Variants in OXCT1 observed in about 807,000 individuals in gnomAD.
The protein encoded by OXCT1 is 3-oxoacid CoA-transferase 1.
A neutral mutation model predicts 69.6 loss-of-function variants in OXCT1; 27 were observed. That is an observed-to-expected ratio of 0.39 (90% CI 0.29 to 0.54). The LOEUF (loss-of-function observed/expected upper bound fraction) is 0.54. Ranked by LOEUF, OXCT1 falls within the 20% of genes least tolerant of loss-of-function variation. The probability of loss-of-function intolerance (pLI) is 0.72; values close to 1 mark genes in which losing one functional copy is unlikely to be tolerated. For missense variants in OXCT1, 437 were observed against 650.2 expected (o/e 0.67, Z 3.57); for synonymous variants, 202 against 217.8 (o/e 0.93, Z 0.64).
At chr5:41,821,959 T>C (rs560279279) in intron 7 of OXCT1, among the ~76,000 whole-genome samples, 2 of 152,180 alleles carry the variant, frequency 1.3e-5, no homozygotes, top group Non-Finnish European at 2.9e-5. Context: ...CTATCAAGTG[T>C]TTTTCTCTCA....
intron 13 of OXCT1, among the ~76,000 whole-genome samples, chr5:41,771,556 T>C (rs757877485): frequency 2.6e-5 from 4 of 152,164 alleles, no homozygotes; most frequent in Non-Finnish European, 5.9e-5. Flanking sequence ...GAAGCTGCAG[T>C]TGCAGTTTTC....
At chr5:41,844,914 C>T (rs2112418120) in intron 5 of OXCT1, among the ~76,000 whole-genome samples, 1 of 150,956 alleles carries the variant, frequency 6.6e-6, no homozygotes, top group East Asian at 1.9e-4. Context: ...TAAACCCTCT[C>T]TCGCTGCTTC....
At chr5:41,865,715 C>G (rs1272396729) in intron 1 of OXCT1, among the ~76,000 whole-genome samples, 4 of 152,150 alleles carry the variant, frequency 2.6e-5, no homozygotes, top group African/African-American at 9.7e-5. Flanking sequence ...ACCACTGCAT[C>G]TCTTTTTCAT....
At chr5:41,854,653 C>G (rs555586857) in intron 3 of OXCT1, among the ~76,000 whole-genome samples, 1 of 150,898 alleles carries the variant, frequency 6.6e-6, no homozygotes, top group African/African-American at 2.4e-5. Flanking sequence ...CTTTTAATGG[C>G]GAAATATTTT....
chr5:41,744,655 T>A (rs1202279656), intron 15 of OXCT1, among the ~76,000 whole-genome samples: 1 of 152,182 alleles, frequency 6.6e-6, no homozygotes, highest in South Asian at 2.1e-4. Context: ...ACCTAATTTA[T>A]TGAGAGTTTT....
chr5:41,762,095 G>A lies in OXCT1; in HGVS notation c.1338+16C>T. 6.4e-7 allele frequency: 1 copy of A among 1,569,354 alleles called. No individual in the cohort carries two copies. Among genetic ancestry groups the A allele is most frequent in the Non-Finnish European group, 8.8e-7 (1 of 1,139,360 alleles). On this transcript the variant is annotated intron_variant, in intron 14 of 16. Transcript: ENST00000196371. This position sits in a 1 kb window ranked among gnomAD's most constrained non-coding sequence, Gnocchi z 4.0. ...AATTTCCAAAAGCAGTATTTGGGGA[G>A]CACAGTACATGTTACCTTTGCAGAA...
At chr5:41,809,037 T>A (rs916640575) in intron 7 of OXCT1, among the ~76,000 whole-genome samples, 1 of 152,032 alleles carries the variant, frequency 6.6e-6, no homozygotes, top group Non-Finnish European at 1.5e-5. Context: ...ATAAACATGG[T>A]GTAGCCATGT....
At chr5:41,741,234 A>G (rs944431714) in intron 15 of OXCT1, among the ~76,000 whole-genome samples, 2 of 152,176 alleles carry the variant, frequency 1.3e-5, no homozygotes, top group African/African-American at 4.8e-5. Flanking sequence ...CAAGGATTAC[A>G]GGAGTGAGCC....
At chr5:41,744,106 C>T (rs1366484100) in intron 15 of OXCT1, among the ~76,000 whole-genome samples, 1 of 152,094 alleles carries the variant, frequency 6.6e-6, no homozygotes, top group Admixed American at 6.5e-5. Flanking sequence ...TTCTTCCTAC[C>T]CATGAGCATG....
chr5:41,793,330 T>A (rs946224340), intron 13 of OXCT1, among the ~76,000 whole-genome samples: 1 of 152,220 alleles, frequency 6.6e-6, no homozygotes, highest in Non-Finnish European at 1.5e-5. Context: ...ATACCCATTA[T>A]TGTTTCCATG....
At chr5:41,859,907 T>TATATACAC (rs1304074270) in intron 3 of OXCT1, among the ~76,000 whole-genome samples, 32 of 138,472 alleles carry the variant, frequency 2.3e-4, no homozygotes, top group African/African-American at 7.9e-4. Context: ...TATATATATA[T>TATATACAC]ACACACACAC....
At chr5:41,794,567 T>G (rs894733123) in intron 12 of OXCT1, 110 bp downstream of exon 12, 1 of 984,292 alleles carries the variant, frequency 1.0e-6, no homozygotes, top group Non-Finnish European at 1.6e-6. Flanking sequence ...CTCCTGATAG[T>G]TTTCTGGCTG....
At chr5:41,858,684 A>C (rs1749570526) in intron 3 of OXCT1, among the ~76,000 whole-genome samples, 1 of 152,208 alleles carries the variant, frequency 6.6e-6, no homozygotes, top group Non-Finnish European at 1.5e-5. Context: ...TCTGAAATTT[A>C]ATTTGCTGAT....
intron 14 of OXCT1, among the ~76,000 whole-genome samples, chr5:41,755,486 A>T (rs1190621147): frequency 6.6e-6 from 1 of 152,098 alleles, no homozygotes; most frequent in Non-Finnish European, 1.5e-5. Flanking sequence ...TTAATTATGA[A>T]TTCTCCTAAG....
At chr5:41,852,407 A>G (rs565625608) in intron 4 of OXCT1, among the ~76,000 whole-genome samples, 1 of 152,328 alleles carries the variant, frequency 6.6e-6, no homozygotes, top group African/African-American at 2.4e-5. Context: ...TTATGTTATT[A>G]CCAACTTGGC....
chr5:41,759,643 T>C (rs916660720), intron 14 of OXCT1, among the ~76,000 whole-genome samples: 4 of 152,026 alleles, frequency 2.6e-5, no homozygotes, highest in African/African-American at 7.2e-5. Flanking sequence ...CTAAAGGCAG[T>C]AACTGGTTGC....
intron 7 of OXCT1, among the ~76,000 whole-genome samples, chr5:41,826,428 T>C (rs940622420): frequency 3.9e-5 from 6 of 152,112 alleles, no homozygotes; most frequent in Non-Finnish European, 1.5e-5. Context: ...TAAGGTTTAT[T>C]AATCAAAGCA....
chr5:41,850,211 C>T, intron 4 of OXCT1, 32 bp from the exon 5 acceptor site: 1 of 1,611,440 alleles, frequency 6.2e-7, no homozygotes, highest in Non-Finnish European at 8.5e-7. Context: ...CCCATAAGTT[C>T]ACTAAGCACA....
chr5:41,788,319 A>G (rs1352955711), intron 13 of OXCT1, among the ~76,000 whole-genome samples: 3 of 152,198 alleles, frequency 2.0e-5, no homozygotes, highest in Non-Finnish European at 4.4e-5. Context: ...AGGACAGATG[A>G]AGTAAACAGA....
Sources: gnomAD v4.1 joint callset for allele counts (sites outside exome capture counted in the v4.1 genomes callset) on GRCh38, gnomAD v4.1.1 for gene constraint, Gnocchi (gnomAD v3.1) non-coding constraint, MANE v1.5 for transcripts, NCBI Gene and HGNC (gene_info 2026-07-23, HGNC 2026-07-21) for gene names.